The following ZNF12 variants were observed in gnomAD, a reference collection of about 807,000 sequenced individuals.
ZNF12 encodes zinc finger protein 12, also known as gonadotropin inducible transcription repressor 3.
In ZNF12, 34 loss-of-function variants were observed where a neutral mutation model predicts 66.6. The observed-to-expected ratio is 0.51, with a 90% CI of 0.39 to 0.68. The LOEUF (loss-of-function observed/expected upper bound fraction) is 0.68, where lower values mean the gene tolerates loss of function less well. Among genes scored for constraint, ZNF12 ranks in the 30% least tolerant of loss-of-function variants. The pLI, the probability that ZNF12 is intolerant of heterozygous loss-of-function variation, is 0.00. For missense variants in ZNF12, 697 were observed against 826.9 expected (o/e 0.84, Z 1.93); for synonymous variants, 320 against 278.9 (o/e 1.15, Z -1.47).
chr7:6,703,060 AC>A (rs1780282694), intron 2 of ZNF12, among the ~76,000 whole-genome samples: 1 of 151,948 alleles, frequency 6.6e-6, no homozygotes, highest in Non-Finnish European at 1.5e-5. Flanking sequence ...ACACACACAC[AC>A]ACACCCCTAC....
intron 2 of ZNF12, among the ~76,000 whole-genome samples, chr7:6,704,494 C>T (rs1226516968): frequency 6.8e-6 from 1 of 146,372 alleles, no homozygotes; most frequent in African/African-American, 2.5e-5. Context: ...TTTGGGAGGC[C>T]GAGGCGGGTG....
chr7:6,704,915 C>A (rs781029605), intron 2 of ZNF12, among the ~76,000 whole-genome samples: 1 of 152,154 alleles, frequency 6.6e-6, no homozygotes, highest in African/African-American at 2.4e-5. Flanking sequence ...TGGTATTTAT[C>A]ATTTTTTGTG....
In ZNF12 at chr7:6,700,304, T is replaced by TACACACACACACACAC. The variant is rs71539972; in HGVS notation, c.16-2509_16-2494dup. ...CGTCTGAGAGGAAAAAAAAAAAATATACACACACACACACACACACACACA... is the reference window on the plus strand; with the variant it reads ...CGTCTGAGAGGAAAAAAAAAAAATATACACACACACACACACACACACACACACACACACACACACA... On this transcript the variant is annotated intron_variant, in intron 2 of 4. Coordinates refer to ENST00000405858, the MANE Select transcript of ZNF12 (RefSeq NM_016265.4). Among the ~76,000 whole-genome samples the TACACACACACACACAC allele has an allele frequency of 7.3e-3, 937 of 128,848 alleles. 9 individuals carry two copies. The highest frequency in any genetic ancestry group is 0.021 in the South Asian group (84 of 4,002). The allele number at this position is 128,848 out of a possible 152,430, so 84.5% of individuals were successfully genotyped here.
chr7:6,694,343 T>C (rs1415349160), intron 4 of ZNF12, among the ~76,000 whole-genome samples: 1 of 152,164 alleles, frequency 6.6e-6, no homozygotes, highest in Non-Finnish European at 1.5e-5. Flanking sequence ...TAACCTGTGC[T>C]TTCCCTGAAC....
rs944832766 is a variant in ZNF12 at position 6,689,785 on chromosome 7, T to C, written c.*1063A>G. On this transcript the variant is annotated 3_prime_UTR_variant, in exon 5 of 5. Transcript: ENST00000405858. Reference sequence around the variant, plus strand: ...TTCTTAATTCATTAACAGGAAGGAGTAGAGCACAAGGTTTAAAACCAGTAC... The same window carrying C: ...TTCTTAATTCATTAACAGGAAGGAGCAGAGCACAAGGTTTAAAACCAGTAC... 1 of 151,964 alleles carries C rather than the reference T, an allele frequency of 6.6e-6. No homozygotes were observed. The highest frequency in any genetic ancestry group is 1.5e-5 in the Non-Finnish European group (1 of 67,978). The allele number at this position is 151,964 out of a possible 1,614,324, so 9.4% of individuals were successfully genotyped here. A position where few individuals can be genotyped will look rare whatever the true frequency, so the allele number is the denominator to read the frequency against.
At chr7:6,695,002 C>T (rs538453477) in intron 4 of ZNF12, among the ~76,000 whole-genome samples, 13 of 152,320 alleles carry the variant, frequency 8.5e-5, no homozygotes, top group Non-Finnish European at 1.8e-4. Flanking sequence ...CAGCTCACTG[C>T]AAGCTCTGCC....
intron 2 of ZNF12, among the ~76,000 whole-genome samples, chr7:6,701,858 T>G (rs1407753148): frequency 2.0e-5 from 3 of 148,588 alleles, no homozygotes; most frequent in South Asian, 2.1e-4. Context: ...ATCTCTCCCA[T>G]CAAAACAAAA....
intron 2 of ZNF12, among the ~76,000 whole-genome samples, chr7:6,703,043 C>T (rs1780282301): frequency 1.4e-5 from 2 of 146,906 alleles, no homozygotes; most frequent in African/African-American, 5.2e-5. Context: ...CCAAACTACA[C>T]ACACACACAC....
chr7:6,694,171 A>G (rs886293639), intron 4 of ZNF12, among the ~76,000 whole-genome samples: 1 of 151,864 alleles, frequency 6.6e-6, no homozygotes, highest in East Asian at 1.9e-4. Flanking sequence ...TGTCTCAAAA[A>G]AAAAAACAAA....
At position 6,701,181 on chromosome 7, in the gene ZNF12, C is replaced by A. The variant is rs562970820; in HGVS notation, c.16-3370G>T. ...AAATCAGACTTCTGCTTCATCATCA[C>A]TTCAGAGTTTCCCAGGCATTGACCA... On this transcript the variant is annotated intron_variant, in intron 2 of 4. Transcript: ENST00000405858. Among the ~76,000 whole-genome samples, 7 of 152,286 alleles carry A rather than the reference C, an allele frequency of 4.6e-5. No homozygotes were observed. In the South Asian group the frequency reaches 1.4e-3, roughly 32 times the overall value.
rs1265968692 is a variant in ZNF12, at chr7:6,705,265, G to C, written c.-50-42C>G. ...CAAGCCATGGCGTTATGAGCGGTCT[G>C]GCCTGCCAAGGCGGTCATCTCCCGC... On this transcript the variant is annotated intron_variant, in intron 1 of 4. Transcript: ENST00000405858. The surrounding 1 kb of genome is among the most constrained non-coding windows in gnomAD (Gnocchi z 4.0). 2 of 1,516,532 alleles carry C rather than the reference G, an allele frequency of 1.3e-6. No individual in the cohort carries two copies. Among genetic ancestry groups the C allele is most frequent in the Non-Finnish European group, 1.8e-6 (2 of 1,102,940 alleles). 93.9% of individuals were successfully genotyped at this position (1,516,532 alleles called of 1,614,324 possible).
chr7:6,700,304 T>TACACACACACACACACAC lies in ZNF12; in HGVS notation c.16-2511_16-2494dup, dbSNP rs71539972. On this transcript the variant is annotated intron_variant, in intron 2 of 4. Transcript: ENST00000405858. ...CGTCTGAGAGGAAAAAAAAAAAATA[T>TACACACACACACACACAC]ACACACACACACACACACACACACA... is the stretch of plus-strand genomic sequence containing the variant. Among the ~76,000 whole-genome samples the TACACACACACACACACAC allele has an allele frequency of 8.6e-3, 1,109 of 128,720 alleles. 2 individuals carry two copies. The highest frequency in any genetic ancestry group is 0.013 in the Non-Finnish European group (783 of 61,930). The allele number at this position is 128,720 out of a possible 152,430, so 84.4% of individuals were successfully genotyped here.
Position 6,690,426 on chromosome 7 carries a change from T to A in ZNF12, c.*422A>T, listed in dbSNP as rs1191429743. On this transcript the variant is annotated 3_prime_UTR_variant, in exon 5 of 5. Coordinates refer to ENST00000405858, the MANE Select transcript of ZNF12 (RefSeq NM_016265.4). ...TTTCTATTTACACAAGAAGTATGTTTATTCACAGCAGGAATCTTCTATTTC... is the reference window on the plus strand; with the variant it reads ...TTTCTATTTACACAAGAAGTATGTTAATTCACAGCAGGAATCTTCTATTTC... The A allele has an allele frequency of 6.5e-6, 1 of 155,030 alleles. No homozygotes were observed. The highest frequency in any genetic ancestry group is 1.4e-5 in the Non-Finnish European group (1 of 70,072). 9.6% of individuals were successfully genotyped at this position (155,030 alleles called of 1,614,324 possible). A position where few individuals can be genotyped will look rare whatever the true frequency, so the allele number is the denominator to read the frequency against.
chr7:6,702,423 C>T (rs1414397445), intron 2 of ZNF12, among the ~76,000 whole-genome samples: 3 of 39,944 alleles, frequency 7.5e-5, no homozygotes, highest in Non-Finnish European at 1.1e-4. Flanking sequence ...CCAAACTACA[C>T]GCACGCACAC....
chr7:6,704,125 G>A (rs1780306575), intron 2 of ZNF12: 1 of 152,106 alleles, frequency 6.6e-6, no homozygotes, highest in Non-Finnish European at 1.5e-5. Context: ...CTTGAGGTCA[G>A]GAGTTCGAGA....
chr7:6,695,386 C>CT (rs1780139736), intron 4 of ZNF12, among the ~76,000 whole-genome samples: 1 of 151,928 alleles, frequency 6.6e-6, no homozygotes, highest in South Asian at 2.1e-4. Flanking sequence ...TGCATTATTT[C>CT]TTTTTTCTTT....
At position 6,696,032 on chromosome 7, in the gene ZNF12, C is replaced by T. The variant is rs1040174217; in HGVS notation, c.238+1307G>A. On this transcript the variant is annotated intron_variant, in intron 4 of 4. Coordinates refer to ENST00000405858, the MANE Select transcript of ZNF12 (RefSeq NM_016265.4). This position sits in a 1 kb window ranked among gnomAD's most constrained non-coding sequence, Gnocchi z 4.0. ...TAATATTGTTGAGATCCTTAAGGGA[C>T]AAGGAATTAAAATTCCCTTTAGGAA... is the stretch of plus-strand genomic sequence containing the variant. Among the ~76,000 whole-genome samples the T allele has an allele frequency of 2.0e-5, 3 of 152,142 alleles. No homozygotes were observed. Among genetic ancestry groups the T allele is most frequent in the African/African-American group, 7.2e-5 (3 of 41,422 alleles).
At chr7:6,699,178 G>C (rs1257518681) in intron 2 of ZNF12, among the ~76,000 whole-genome samples, 1 of 152,204 alleles carries the variant, frequency 6.6e-6, no homozygotes, top group African/African-American at 2.4e-5. Context: ...AAGAAAATAT[G>C]GTAGCAGGAA....
chr7:6,691,365 C>A lies in ZNF12; in HGVS notation c.1577G>T (p.Cys526Phe). ...SGVKPYECSE[C>F]GKTFYQNSAL... ...TGAGTTCTGGTAGAAGGTTTTCCCA[C>A]ATTCACTACATTCATAGGGTTTTAC... Residue 526 changes from cysteine (C) to phenylalanine (F), a missense_variant, in exon 5 of 5, where the codon TGT becomes TTT. Transcript: ENST00000405858. 1 of 1,614,000 alleles carries A rather than the reference C, an allele frequency of 6.2e-7. No homozygotes were observed. The highest frequency in any genetic ancestry group is 8.5e-7 in the Non-Finnish European group (1 of 1,179,902).
Sources: allele counts gnomAD v4.1 joint callset (sites outside exome capture counted in the v4.1 genomes callset), GRCh38; gene constraint gnomAD v4.1.1; non-coding constraint Gnocchi (gnomAD v3.1); transcripts MANE v1.5; gene names NCBI Gene and HGNC (gene_info 2026-07-23, HGNC 2026-07-21).